The following ASIC2 variants were observed in gnomAD, a reference collection of about 807,000 sequenced individuals.
ASIC2 encodes the protein acid-sensing ion channel 2.
ASIC2 carries 25 observed loss-of-function variants against 57.3 expected under a neutral mutation model. The observed-to-expected ratio is 0.44, with a 90% CI of 0.32 to 0.61. The LOEUF (loss-of-function observed/expected upper bound fraction) is 0.61, where lower values mean the gene tolerates loss of function less well. Among genes scored for constraint, ASIC2 ranks in the 20% least tolerant of loss-of-function variants. The pLI, the probability that ASIC2 is intolerant of heterozygous loss-of-function variation, is 0.06. For missense variants in ASIC2, 641 were observed against 738.1 expected, an observed-to-expected ratio of 0.87 and a Z score of 1.52; for synonymous variants, 319 against 307.5, an observed-to-expected ratio of 1.04 and a Z score of -0.39.
At chr17:34,040,362 G>A (rs868538918) in intron 1 of ASIC2, among the ~76,000 whole-genome samples, 3 of 145,508 alleles carry the variant, frequency 2.1e-5, no homozygotes, top group African/African-American at 7.8e-5. Flanking sequence ...TAGTGAAACC[G>A]CGTGTTTCCT....
chr17:33,634,645 A>G (rs1177749182), intron 1 of ASIC2: 1 of 149,594 alleles, frequency 6.7e-6, no homozygotes, highest in Non-Finnish European at 1.5e-5. Flanking sequence ...CCTCCTGAGT[A>G]GCTGGGACTA....
chr17:34,009,206 G>A (rs188326851), intron 1 of ASIC2, among the ~76,000 whole-genome samples: 5 of 152,096 alleles, frequency 3.3e-5, no homozygotes, highest in Admixed American at 6.6e-5. Flanking sequence ...AGAGACTATC[G>A]CCCTCACTCC....
intron 4 of ASIC2, among the ~76,000 whole-genome samples, chr17:33,027,718 C>T (rs764607825): frequency 1.6e-4 from 24 of 152,268 alleles, no homozygotes; most frequent in Non-Finnish European, 2.9e-4. Flanking sequence ...CAGCTTTCCA[C>T]TCTGCACTTC....
chr17:33,934,262 C>G (rs991158500), intron 1 of ASIC2, among the ~76,000 whole-genome samples: 7 of 152,200 alleles, frequency 4.6e-5, no homozygotes, highest in African/African-American at 1.7e-4. Context: ...GAGGCCACAG[C>G]CTTCTCCTTG....
rs147891084 is a variant in ASIC2, at chr17:33,267,783, C to T, written c.708+23625G>A. On this transcript the variant is annotated intron_variant, in intron 1 of 9. Coordinates refer to ENST00000225823, the MANE Select transcript of ASIC2 (RefSeq NM_183377.2). ...ACAGGATACCCAGAAGTGGAGGGGA[C>T]GGGAGAGTGTGGGGTGAGTAGCACA... Among the ~76,000 whole-genome samples, 940 of 151,988 alleles carry T rather than the reference C, an allele frequency of 6.2e-3. 9 individuals carry two copies. The highest frequency in any genetic ancestry group is 0.022 in the African/African-American group (904 of 41,420).
intron 1 of ASIC2, among the ~76,000 whole-genome samples, chr17:33,308,336 G>A (rs886353346): frequency 6.6e-6 from 1 of 152,162 alleles, no homozygotes; most frequent in Non-Finnish European, 1.5e-5. Context: ...CCTCCCTGAA[G>A]TTCAAGGCCT....
At position 34,038,775 on chromosome 17, in the gene ASIC2, T is replaced by G. The variant is rs184270197; in HGVS notation, c.555+117203A>C. The stretch of plus-strand genomic sequence containing the variant: ...AACGTTTCATTTTCAGCTCCATTGG[T>G]CTTGCTTTTCCACTGTTTCTGCTCA... On this transcript the variant is annotated intron_variant, in intron 1 of 9. Transcript: ENST00000359872. 323 of 1,611,594 alleles carry G rather than the reference T, an allele frequency of 2.0e-4. 2 individuals carry two copies. In the East Asian group the frequency reaches 5.8e-3, roughly 29 times the overall value.
At chr17:33,262,164 C>T (rs562949624) in intron 1 of ASIC2, among the ~76,000 whole-genome samples, 2 of 152,306 alleles carry the variant, frequency 1.3e-5, no homozygotes, top group Non-Finnish European at 2.9e-5. Context: ...AAAAGACTGC[C>T]CGGATGACCA....
At chr17:33,108,730 C>T (rs1426138043) in intron 2 of ASIC2, among the ~76,000 whole-genome samples, 2 of 152,162 alleles carry the variant, frequency 1.3e-5, no homozygotes, top group African/African-American at 4.8e-5. Flanking sequence ...ATGGAGGGAG[C>T]CCTAATGCAG....
In ASIC2 at chr17:34,092,172, T is replaced by G. The variant is rs549655871; in HGVS notation, c.555+63806A>C. 1.2e-4 allele frequency among the ~76,000 whole-genome samples: 19 copies of G among 152,284 alleles called. No individual in the cohort carries two copies. In the South Asian group the frequency reaches 3.7e-3, roughly 30 times the overall value. On this transcript the variant is annotated intron_variant, in intron 1 of 9. Transcript: ENST00000359872. ...GGTCATGTGCAGTGAGCAGAAGTGT[T>G]AAACCTTTTGGCTCCGGGGCCAGTG...
chr17:33,216,047 T>G (rs1907473706), intron 1 of ASIC2, among the ~76,000 whole-genome samples: 1 of 152,258 alleles, frequency 6.6e-6, no homozygotes. Flanking sequence ...TCAAATAAAC[T>G]TAGGTCTACA....
At chr17:33,908,370 ACTAT>A (rs1470563776) in intron 1 of ASIC2, among the ~76,000 whole-genome samples, 1 of 152,208 alleles carries the variant, frequency 6.6e-6, no homozygotes, top group African/African-American at 2.4e-5. Context: ...ACCATATTGG[ACTAT>A]CTATTTTCTG....
chr17:33,331,290 G>T (rs770120747), intron 1 of ASIC2, among the ~76,000 whole-genome samples: 4 of 152,110 alleles, frequency 2.6e-5, no homozygotes, highest in Admixed American at 2.0e-4. Flanking sequence ...GTTGGGGATC[G>T]CTGCTTTGGA....
At chr17:33,674,095 A>G (rs1490908131) in intron 1 of ASIC2, among the ~76,000 whole-genome samples, 1 of 152,020 alleles carries the variant, frequency 6.6e-6, no homozygotes, top group Non-Finnish European at 1.5e-5. Context: ...GGGTTTCACC[A>G]TGTTGGCCAG....
chr17:34,028,427 C>A (rs1049667121), intron 1 of ASIC2, among the ~76,000 whole-genome samples: 5 of 152,118 alleles, frequency 3.3e-5, no homozygotes, highest in Non-Finnish European at 5.9e-5. Context: ...ATATTAGTTG[C>A]TATGGTTGAC....
chr17:33,224,655 T>G (rs1907811889), intron 1 of ASIC2, among the ~76,000 whole-genome samples: 1 of 152,226 alleles, frequency 6.6e-6, no homozygotes, highest in African/African-American at 2.4e-5. Flanking sequence ...CTCACTGCCA[T>G]TCAATGAGGC....
rs530355026 is a variant in ASIC2, at chr17:33,721,743, G to A, written c.555+434235C>T. The stretch of plus-strand genomic sequence containing the variant: ...AAGACCCTTTGAGAAGATGCTATTT[G>A]AATAGAGGCCTGGATGAAGTAAGAG... On this transcript the variant is annotated intron_variant, in intron 1 of 9. Coordinates refer to the ASIC2 transcript ENST00000359872. Among the ~76,000 whole-genome samples, 17 of 152,332 alleles carry A rather than the reference G, an allele frequency of 1.1e-4. No homozygotes were observed. The South Asian group carries it at 2.9e-3, about 26-fold the overall frequency.
At chr17:33,957,973 G>T (rs72821051) in intron 1 of ASIC2, among the ~76,000 whole-genome samples, 3 of 152,246 alleles carry the variant, frequency 2.0e-5, no homozygotes, top group East Asian at 1.9e-4. Context: ...ATTCCGAAAG[G>T]GAGAAATTGG....
chr17:33,922,781 C>T (rs979536766), intron 1 of ASIC2, among the ~76,000 whole-genome samples: 3 of 152,174 alleles, frequency 2.0e-5, no homozygotes, highest in Admixed American at 6.5e-5. Flanking sequence ...ATCTAAACCC[C>T]AGAGTTCCAA....
Sources: gnomAD v4.1 joint callset for allele counts (sites outside exome capture counted in the v4.1 genomes callset) on GRCh38, gnomAD v4.1.1 for gene constraint, MANE v1.5 for transcripts, NCBI Gene and HGNC (gene_info 2026-07-23, HGNC 2026-07-21) for gene names.